CDC42BPG: variants seen among roughly 807,000 people sequenced by gnomAD.
CDC42BPG encodes CDC42 binding protein kinase gamma.
CDC42BPG carries 157 observed loss-of-function variants against 192.2 expected under a neutral mutation model. The ratio of observed to expected loss-of-function variants is 0.82; its 90% CI spans 0.72 to 0.93. CDC42BPG has a LOEUF of 0.93. CDC42BPG is among the 40% of genes least tolerant of loss of function. The pLI is 0.00. For synonymous variants in CDC42BPG, 981 were observed against 918.5 expected (o/e 1.07, Z -1.23); for missense variants, 1,992 against 2,122.1 (o/e 0.94, Z 1.20).
At position 64,831,703 on chromosome 11, in the gene CDC42BPG, C is replaced by G; in HGVS notation, c.3106G>C (p.Ala1036Pro). 1.2e-6 allele frequency: 2 copies of G among 1,600,522 alleles called. No individual in the cohort carries two copies. The highest frequency in any genetic ancestry group is 1.7e-6 in the Non-Finnish European group (2 of 1,176,410). Reference sequence around the variant, plus strand: ...ACAGTGCACGTGGTGGGCGGCACTGCCAGCTGGGAGGTTGTCACCTGTGGG... The same window carrying G: ...ACAGTGCACGTGGTGGGCGGCACTGGCAGCTGGGAGGTTGTCACCTGTGGG... ...RIFRVTTSQLAVPPTTCTVLL... is the reference protein window; with the variant it reads ...RIFRVTTSQLPVPPTTCTVLL... Residue 1036 changes from alanine to proline, a missense_variant, in exon 28 of 37, where the codon GCA (alanine) becomes CCA (proline). Physicochemically the swap from Ala to Pro is conservative, Grantham distance 27. Around this residue, in one of 2 missense-constraint regions of CDC42BPG, gnomAD observed 1,656 missense variants for 1,844.3 expected, o/e 0.90. Coordinates refer to ENST00000342711, the MANE Select transcript of CDC42BPG (RefSeq NM_017525.3).
chr11:64,824,533 C>G lies in CDC42BPG; in HGVS notation c.4600-4G>C. 6.2e-7 allele frequency: 1 copy of G among 1,603,156 alleles called. No individual in the cohort carries two copies. Among genetic ancestry groups the G allele is most frequent in the Non-Finnish European group, 8.5e-7 (1 of 1,170,412 alleles). ...GGCTTCGGGGCCGTTCTGAGACCTG[C>G]AGGAGAAAGAAAAGGAAGTCAAGGG... is the stretch of plus-strand genomic sequence containing the variant. On this transcript the variant is annotated splice_polypyrimidine_tract_variant and splice_region_variant and intron_variant, in intron 36 of 36. Coordinates refer to ENST00000342711, the MANE Select transcript of CDC42BPG (RefSeq NM_017525.3).
intron 6 of CDC42BPG, 40 bp downstream of exon 6, chr11:64,839,438 C>CCTGCTCCTA (rs142726755): frequency 1.3e-5 from 21 of 1,583,062 alleles, no homozygotes; most frequent in Middle Eastern, 1.7e-4. Context: ...GCTTGGCCCG[C>CCTGCTCCTA]CTTGTATCCC....
rs935530061 is a variant in CDC42BPG at position 64,827,752 on chromosome 11, G to A, written c.3999C>T (p.Ser1333=). The A allele has an allele frequency of 1.9e-6, 3 of 1,612,698 alleles. No individual in the cohort carries two copies. Among genetic ancestry groups the A allele is most frequent in the South Asian group, 2.2e-5 (2 of 90,866 alleles). ...CGTCAAACACATCGATGGAGTTCTC[G>A]CTGAACACTGTCAGGTAGGGGGCCG... is the stretch of plus-strand genomic sequence containing the variant. ...GYAAPYLTVF[S]ENSIDVFDVR... Residue 1333 remains serine, a synonymous_variant, in exon 31 of 37, where the codon AGC becomes AGT. Transcript: ENST00000342711.
In CDC42BPG at chr11:64,827,061, C is replaced by T. The variant is rs764042950; in HGVS notation, c.4378G>A (p.Asp1460Asn). ...TCCAGAGGACTAACCGGGGACTTGT[C>T]CCTGGCGCCGGGCCGCCCGTTGGCA... ...GPANGRPGAR[D>N]KSPAPEEKGR... Residue 1460 changes from aspartate (D) to asparagine (N), a missense_variant, in exon 34 of 37, where the codon GAC becomes AAC. Asp to Asn is a conservative substitution (Grantham distance 23, BLOSUM62 1). Coordinates refer to ENST00000342711, the MANE Select transcript of CDC42BPG (RefSeq NM_017525.3). 32 of 1,610,242 alleles carry T rather than the reference C, an allele frequency of 2.0e-5. No individual in the cohort carries two copies. The South Asian group carries it at 2.9e-4, about 14-fold the overall frequency.
chr11:64,829,081 G>A (rs557396617), intron 30 of CDC42BPG, among the ~76,000 whole-genome samples: 5 of 152,188 alleles, frequency 3.3e-5, no homozygotes, highest in African/African-American at 4.8e-5. Flanking sequence ...TTAGCCAGGC[G>A]TGATGGCACA....
chr11:64,841,788 C>G (rs368358130), intron 2 of CDC42BPG, 25 bp downstream of exon 2: 6 of 1,613,356 alleles, frequency 3.7e-6, no homozygotes, highest in Non-Finnish European at 5.1e-6. Flanking sequence ...CACCTCCCCC[C>G]ACCTACCCCA....
rs1257849267 is a variant in CDC42BPG, at chr11:64,832,455, T to C, written c.3060A>G (p.Gln1020=). 1 of 1,614,072 alleles carries C rather than the reference T, an allele frequency of 6.2e-7. No homozygotes were observed. Among genetic ancestry groups the C allele is most frequent in the East Asian group, 2.2e-5 (1 of 44,882 alleles). ...TAAAGATGCGTGGCAGGTCCCTGGATTGGGCATGGATAACATCAGAGGCCA... is the reference window on the plus strand; with the variant it reads ...TAAAGATGCGTGGCAGGTCCCTGGACTGGGCATGGATAACATCAGAGGCCA... ...PVLASDVIHA[Q]SRDLPRIFRV... is the part of the protein sequence containing the mutation. Residue 1020 remains glutamine (Q), a synonymous_variant, in exon 27 of 37, where the codon CAA becomes CAG. Coordinates refer to ENST00000342711, the MANE Select transcript of CDC42BPG (RefSeq NM_017525.3).
At chr11:64,835,657 A>T (rs1382865617) in intron 14 of CDC42BPG, 36 bp from the exon 15 acceptor site, 1 of 1,580,760 alleles carries the variant, frequency 6.3e-7, no homozygotes, top group South Asian at 1.2e-5. Context: ...CAGAGACCCA[A>T]GATGCCATGG....
chr11:64,839,097 A>G lies in CDC42BPG; in HGVS notation c.812T>C (p.Phe271Ser), dbSNP rs1943158876. 1.2e-6 allele frequency: 2 copies of G among 1,613,504 alleles called. No individual in the cohort carries two copies. Among genetic ancestry groups the G allele is most frequent in the South Asian group, 2.2e-5 (2 of 91,092 alleles). The change falls in exon 7 of 37, where the codon TTT becomes TCT. Residue 271 changes from phenylalanine (F) to serine (S), a missense_variant. Coordinates refer to ENST00000342711, the MANE Select transcript of CDC42BPG (RefSeq NM_017525.3). ...CTCAGCATAGAAGGGCGTCTCCCCA[A>G]AGAGCAGCTCATAGGCGCAGACTCC... The part of the protein sequence containing the change: ...SLGVCAYELL[F>S]GETPFYAESL...
intron 1 of CDC42BPG, among the ~76,000 whole-genome samples, chr11:64,843,194 A>G (rs1270028405): frequency 6.6e-6 from 1 of 152,006 alleles, no homozygotes; most frequent in East Asian, 2.0e-4. Context: ...AGAGACAAGC[A>G]GGAGAGGAAT....
Position 64,824,306 on chromosome 11 carries a change from C to T in CDC42BPG, c.*167G>A. On this transcript the variant is annotated 3_prime_UTR_variant, in exon 37 of 37. Transcript: ENST00000342711. ...CAGGATGAGGGCTGGGAGTCAGGAC[C>T]CCCAAGTCCTGGGAACCCAGGCAAG... 1 of 701,142 alleles carries T rather than the reference C, an allele frequency of 1.4e-6. No individual in the cohort carries two copies. The highest frequency in any genetic ancestry group is 2.1e-5 in the Admixed American group (1 of 48,710). 43.4% of individuals were successfully genotyped at this position (701,142 alleles called of 1,614,324 possible).
Position 64,838,640 on chromosome 11 carries a change from C to T in CDC42BPG, c.1125+14G>A. ...TAGGGCAGCTCCCCTCCTGCAGTGGCCTTTGCCACTCACTGGATGGTTGAG... is the reference window on the plus strand; with the variant it reads ...TAGGGCAGCTCCCCTCCTGCAGTGGTCTTTGCCACTCACTGGATGGTTGAG... On this transcript the variant is annotated intron_variant, in intron 8 of 36. Coordinates refer to ENST00000342711, the MANE Select transcript of CDC42BPG (RefSeq NM_017525.3). 6 of 1,610,994 alleles carry T rather than the reference C, an allele frequency of 3.7e-6. No individual in the cohort carries two copies. Among genetic ancestry groups the T allele is most frequent in the South Asian group, 1.1e-5 (1 of 91,034 alleles).
At position 64,824,424 on chromosome 11, in the gene CDC42BPG, C is replaced by T. The variant is rs201095631; in HGVS notation, c.*49G>A. ...TATGGCATTCCTCAAGCTCTTTGCT[C>T]CCTCATGTCCTTCTGCCCTGGGATT... On this transcript the variant is annotated 3_prime_UTR_variant, in exon 37 of 37. Coordinates refer to ENST00000342711, the MANE Select transcript of CDC42BPG (RefSeq NM_017525.3). 27 of 1,255,976 alleles carry T rather than the reference C, an allele frequency of 2.1e-5. No individual in the cohort carries two copies. In the East Asian group the frequency reaches 5.5e-4, roughly 26 times the overall value. The allele number at this position is 1,255,976 out of a possible 1,614,324, so 77.8% of individuals were successfully genotyped here.
chr11:64,824,641 C>T (rs1336893762), intron 36 of CDC42BPG, 112 bp from the exon 37 acceptor site: 1 of 683,476 alleles, frequency 1.5e-6, no homozygotes, highest in Non-Finnish European at 2.6e-6. Flanking sequence ...TGTATCAGGG[C>T]CCCTGGAGGA....
intron 32 of CDC42BPG, 42 bp from the exon 33 acceptor site, chr11:64,827,440 CG>C (rs1565669749): frequency 5.6e-6 from 9 of 1,605,060 alleles, no homozygotes; most frequent in Middle Eastern, 1.7e-4. Context: ...CACACATTCC[CG>C]GGGCCCAGTC....
rs1466749674 is a variant in CDC42BPG at position 64,840,200 on chromosome 11, G to C, written c.501C>G (p.Leu167=). 5 of 1,613,238 alleles carry C rather than the reference G, an allele frequency of 3.1e-6. No individual in the cohort carries two copies. Among genetic ancestry groups the C allele is most frequent in the Non-Finnish European group, 8.5e-7 (1 of 1,179,996 alleles). Residue 167 remains leucine (L), a synonymous_variant, in exon 5 of 37, where the codon CTC becomes CTG. Coordinates refer to ENST00000342711, the MANE Select transcript of CDC42BPG (RefSeq NM_017525.3). The part of the protein sequence containing the change: ...LTLLSRFEDR[L]PPELAQFYLA... The stretch of plus-strand genomic sequence containing the variant: ...GGTAGAACTGGGCCAGCTCGGGCGG[G>C]AGACGGTCCTCGAAGCGGCTCAGCA...
chr11:64,838,153 G>A lies in CDC42BPG; in HGVS notation c.1135C>T (p.Pro379Ser). Residue 379 changes from proline (P) to serine (S), a missense_variant, in exon 9 of 37, where the codon CCA (proline) becomes TCA (serine). Transcript: ENST00000342711. ...DDTLNHPGTLPPPSHGAFSGH... is the reference protein window; with the variant it reads ...DDTLNHPGTLSPPSHGAFSGH... Reference sequence around the variant, plus strand: ...GAGAAGGCCCCGTGGGAGGGCGGTGGCAGGGTCCCCTGCAGAGGGAGAGGG... The same window carrying A: ...GAGAAGGCCCCGTGGGAGGGCGGTGACAGGGTCCCCTGCAGAGGGAGAGGG... 1 of 1,552,686 alleles carries A rather than the reference G, an allele frequency of 6.4e-7. No individual in the cohort carries two copies. The highest frequency in any genetic ancestry group is 8.7e-7 in the Non-Finnish European group (1 of 1,148,646).
rs1166718278 is a variant in CDC42BPG, at chr11:64,836,956, C to T, written c.1269G>A (p.Glu423=). 2.5e-6 allele frequency: 4 copies of T among 1,613,522 alleles called. No individual in the cohort carries two copies. Among genetic ancestry groups the T allele is most frequent in the Non-Finnish European group, 3.4e-6 (4 of 1,179,970 alleles). The change falls in exon 10 of 37, where the codon GAG becomes GAA. Residue 423 remains glutamate, a synonymous_variant. Coordinates refer to ENST00000342711, the MANE Select transcript of CDC42BPG (RefSeq NM_017525.3). The stretch of plus-strand genomic sequence containing the variant: ...TCCTGCTCAGCTCCACCTTCTCCTG[C>T]TCCAGACACTGGAGCTTCCGCTCCA... The part of the protein sequence containing the change: ...AALERKLQCL[E]QEKVELSRKH...
chr11:64,824,763 G>A (rs1268218933), intron 36 of CDC42BPG, among the ~76,000 whole-genome samples: 1 of 150,646 alleles, frequency 6.6e-6, no homozygotes, highest in Non-Finnish European at 1.5e-5. Flanking sequence ...CTTTTTTTCT[G>A]AGACAGAGTC....
Sources: gnomAD v4.1 joint callset for allele counts (sites outside exome capture counted in the v4.1 genomes callset) on GRCh38, gnomAD v4.1.1 for gene constraint, gnomAD v4.1.1 regional missense constraint, MANE v1.5 for transcripts, NCBI Gene and HGNC (gene_info 2026-07-23, HGNC 2026-07-21) for gene names.